VOPP1: variants seen among roughly 807,000 people sequenced by gnomAD.
VOPP1 encodes the protein VOPP1 WW domain binding protein, also known as WW domain binding protein VOPP1.
In VOPP1, 8 loss-of-function variants were observed where a neutral mutation model predicts 23.5. The ratio of observed to expected loss-of-function variants is 0.34; its 90% confidence interval spans 0.20 to 0.61. VOPP1 has a LOEUF of 0.61. Among genes scored for constraint, VOPP1 ranks in the 20% least tolerant of loss-of-function variants. The probability of loss-of-function intolerance (pLI) is 0.78; values close to 1 mark genes in which losing one functional copy is unlikely to be tolerated. For missense variants in VOPP1, 174 were observed against 238.1 expected, an observed-to-expected ratio of 0.73 and a Z score of 1.77; for synonymous variants, 83 against 97.3, an observed-to-expected ratio of 0.85 and a Z score of 0.86.
chr7:55,545,248 T>G (rs766172291), intron 1 of VOPP1, among the ~76,000 whole-genome samples: 2 of 152,246 alleles, frequency 1.3e-5, no homozygotes, highest in African/African-American at 2.4e-5. Flanking sequence ...ATGGTCAATG[T>G]TCCCTGTGAT....
chr7:55,566,110 T>C (rs1308894417), intron 1 of VOPP1, among the ~76,000 whole-genome samples: 1 of 152,106 alleles, frequency 6.6e-6, no homozygotes, highest in African/African-American at 2.4e-5. Flanking sequence ...AGTCAAGCCA[T>C]TTAATATGAA....
chr7:55,537,512 A>G (rs1234180393), intron 1 of VOPP1: 4 of 1,536,140 alleles, frequency 2.6e-6, no homozygotes, highest in East Asian at 2.4e-5. Flanking sequence ...TGAGCATGTG[A>G]GCCCGTCCTT....
chr7:55,539,121 A>G (rs975009663), intron 1 of VOPP1, among the ~76,000 whole-genome samples: 12 of 151,750 alleles, frequency 7.9e-5, no homozygotes, highest in African/African-American at 2.9e-4. Flanking sequence ...AGGCAAGCGG[A>G]TCACCTGAGG....
chr7:55,439,994 G>C (rs774469549), intron 4 of VOPP1, among the ~76,000 whole-genome samples: 1 of 152,204 alleles, frequency 6.6e-6, no homozygotes, highest in Non-Finnish European at 1.5e-5. Context: ...CACTAATGCC[G>C]CTGGCTGGGG....
At chr7:55,495,039 T>C (rs574448224) in intron 3 of VOPP1, among the ~76,000 whole-genome samples, 63 of 152,114 alleles carry the variant, frequency 4.1e-4, no homozygotes, top group South Asian at 6.2e-4. Flanking sequence ...TGTTTTTTGA[T>C]TCCTCCCCCC....
intron 1 of VOPP1, among the ~76,000 whole-genome samples, chr7:55,565,023 G>T (rs1798118889): frequency 6.6e-6 from 1 of 152,024 alleles, no homozygotes; most frequent in Non-Finnish European, 1.5e-5. Context: ...TCTTTGTTCT[G>T]GTCTGAGGAC....
chr7:55,543,443 A>G (rs1026253700), intron 1 of VOPP1, among the ~76,000 whole-genome samples: 1 of 152,186 alleles, frequency 6.6e-6, no homozygotes, highest in Admixed American at 6.5e-5. Context: ...TGGCAATGAG[A>G]TTGCTAGATC....
intron 4 of VOPP1, among the ~76,000 whole-genome samples, chr7:55,448,595 G>C (rs981467473): frequency 5.3e-5 from 8 of 149,750 alleles, no homozygotes; most frequent in Admixed American, 2.7e-4. Flanking sequence ...AGGGACTCAG[G>C]CTCCGTCATC....
Position 55,538,655 on chromosome 7 carries a change from C to T in VOPP1, c.55-17525G>A, listed in dbSNP as rs1584073734. ...ACAGATACCCAAGAGTTTCGCTGAGCATTGTGTGTAATGACAAAAACAGCT... is the reference window on the plus strand; with the variant it reads ...ACAGATACCCAAGAGTTTCGCTGAGTATTGTGTGTAATGACAAAAACAGCT... On this transcript the variant is annotated intron_variant, in intron 1 of 4. Coordinates refer to ENST00000285279, the MANE Select transcript of VOPP1 (RefSeq NM_030796.5). The T allele has an allele frequency of 2.6e-6, 4 of 1,535,942 alleles. No homozygotes were observed. The Admixed American group carries it at 5.9e-5, about 23-fold the overall frequency.
downstream of VOPP1, chr7:55,435,997 T>A (rs1011917924): frequency 2.0e-5 from 3 of 152,134 alleles, no homozygotes; most frequent in African/African-American, 7.2e-5. Flanking sequence ...GACCCCGGAG[T>A]GTTCCTCTGC....
downstream of VOPP1, among the ~76,000 whole-genome samples, chr7:55,467,591 T>G (rs1005510341): frequency 3.3e-5 from 5 of 152,270 alleles, no homozygotes; most frequent in Non-Finnish European, 5.9e-5. Context: ...TGCACTTTTT[T>G]GGGCTGTTAC....
At chr7:55,457,291 C>T (rs1334567983) in intron 4 of VOPP1, among the ~76,000 whole-genome samples, 2 of 152,106 alleles carry the variant, frequency 1.3e-5, no homozygotes, top group East Asian at 1.9e-4. Context: ...CTGCAAATGA[C>T]GGAATTTCAT....
chr7:55,523,458 A>T (rs1351822047), intron 1 of VOPP1, among the ~76,000 whole-genome samples: 2 of 152,092 alleles, frequency 1.3e-5, no homozygotes. Context: ...CATTCTTGTC[A>T]TACCCAACTA....
intron 1 of VOPP1, chr7:55,561,849 C>T: frequency 1.5e-6 from 1 of 656,382 alleles, no homozygotes. Flanking sequence ...GGACTTAACT[C>T]ATACCCAAGT....
rs1038746601 is a variant in VOPP1, at chr7:55,556,084, T to C, written c.54+16187A>G. On this transcript the variant is annotated intron_variant, in intron 1 of 4. Transcript: ENST00000285279. Reference sequence around the variant, plus strand: ...CCTATGAGGGGCCCCAAGCACTCAATGTATGAAACAGAAAGCTGCTGCACT... The same window carrying C: ...CCTATGAGGGGCCCCAAGCACTCAACGTATGAAACAGAAAGCTGCTGCACT... Among the ~76,000 whole-genome samples the C allele has an allele frequency of 4.9e-4, 74 of 152,322 alleles. 2 individuals are homozygous for C. The highest frequency in any genetic ancestry group is 3.3e-4 in the Admixed American group (5 of 15,302).
intron 1 of VOPP1, among the ~76,000 whole-genome samples, chr7:55,525,791 A>T (rs1444833221): frequency 0.03 from 41 of 1,362 alleles, no homozygotes; most frequent in Non-Finnish European, 0.21. Context: ...AACCTCTCTA[A>T]AAAAAAAAAA....
intron 1 of VOPP1, among the ~76,000 whole-genome samples, chr7:55,543,873 T>C (rs1274561038): frequency 6.6e-6 from 1 of 152,258 alleles, no homozygotes; most frequent in Non-Finnish European, 1.5e-5. Context: ...CTTTTCACTT[T>C]GTTGATTGTT....
At chr7:55,568,962 G>A (rs1798255756) in intron 1 of VOPP1, among the ~76,000 whole-genome samples, 1 of 152,206 alleles carries the variant, frequency 6.6e-6, no homozygotes, top group Non-Finnish European at 1.5e-5. Context: ...AGCATTTTAT[G>A]AACCAAAAAG....
chr7:55,552,933 T>C, intron 1 of VOPP1: 1 of 856,332 alleles, frequency 1.2e-6, no homozygotes, highest in Non-Finnish European at 1.6e-6. Context: ...TGCAAATTGC[T>C]GACAAATGCT....
Sources: gnomAD v4.1 joint callset for allele counts (sites outside exome capture counted in the v4.1 genomes callset) on GRCh38, gnomAD v4.1.1 for gene constraint, MANE v1.5 for transcripts, NCBI Gene and HGNC (gene_info 2026-07-23, HGNC 2026-07-21) for gene names.